Variants in WDFY4 observed in about 807,000 individuals in gnomAD.
The protein encoded by WDFY4 is WDFY family member 4, also known as WD repeat- and FYVE domain-containing protein 4.
Under a neutral mutation model 351.9 loss-of-function variants are expected in WDFY4, and 169 were observed. That is an observed-to-expected ratio of 0.48 (90% CI 0.42 to 0.55). The LOEUF (loss-of-function observed/expected upper bound fraction) is 0.55. Among genes scored for constraint, WDFY4 ranks in the 20% least tolerant of loss-of-function variants. The pLI, the probability that WDFY4 is intolerant of heterozygous loss-of-function variation, is 0.00. For missense variants in WDFY4, 3,803 were observed against 3,935.6 expected, an observed-to-expected ratio of 0.97 and a Z score of 0.90; for synonymous variants, 1,622 against 1,574.6, an observed-to-expected ratio of 1.03 and a Z score of -0.71.
At chr10:48,828,926 GC>G (rs200124201) in intron 37 of WDFY4, 30 bp downstream of exon 37, 5,872 of 287,882 alleles carry the variant, frequency 0.02, 687 homozygotes, top group African/African-American at 0.17. Context: ...GTGTGTGTGG[GC>G]GGGGGGGGGG....
chr10:48,828,725 C>A, intron 36 of WDFY4, 53 bp from the exon 37 acceptor site: 2 of 1,104,186 alleles, frequency 1.8e-6, no homozygotes, highest in South Asian at 1.5e-5. Flanking sequence ...ATAGAATGGT[C>A]TCAAGGAAAC....
In WDFY4 at chr10:48,774,280, G is replaced by T. The variant is rs2663063; in HGVS notation, c.2554-178G>T. 3.2e-3 allele frequency among the ~76,000 whole-genome samples: 410 copies of T among 126,484 alleles called. 2 individuals are homozygous for T. The highest frequency in any genetic ancestry group is 5.1e-3 in the South Asian group (22 of 4,336). The allele number at this position is 126,484 out of a possible 152,430, so 83.0% of individuals were successfully genotyped here. On this transcript the variant is annotated intron_variant, in intron 13 of 61. Coordinates refer to ENST00000325239, the MANE Select transcript of WDFY4 (RefSeq NM_001394531.1). ...GCTGCCTCCCACAGACTTGCCCCCC[G>T]CCAGGTGAGGAGGGCACTGGAAGAA...
At chr10:48,878,842 C>A (rs552537335) in intron 43 of WDFY4, among the ~76,000 whole-genome samples, 1 of 152,360 alleles carries the variant, frequency 6.6e-6, no homozygotes, top group East Asian at 1.9e-4. Context: ...CAGGAGGAAA[C>A]CCTGTTGTCT....
At chr10:48,910,394 T>G in intron 47 of WDFY4, 1 of 753,522 alleles carries the variant, frequency 1.3e-6, no homozygotes, top group Non-Finnish European at 2.4e-6. Flanking sequence ...AATGGGGGTT[T>G]TGTTGTATTT....
chr10:48,895,047 G>T (rs1837003200), intron 44 of WDFY4, among the ~76,000 whole-genome samples: 1 of 152,226 alleles, frequency 6.6e-6, no homozygotes, highest in Non-Finnish European at 1.5e-5. Flanking sequence ...AGAGGAGAGG[G>T]CCTGGGAGGG....
intron 43 of WDFY4, among the ~76,000 whole-genome samples, chr10:48,883,573 G>A (rs1378309739): frequency 6.6e-6 from 1 of 152,208 alleles, no homozygotes; most frequent in African/African-American, 2.4e-5. Context: ...CACGATAGGG[G>A]CATGGCAGGA....
chr10:48,881,680 T>C (rs1195249532), intron 43 of WDFY4, among the ~76,000 whole-genome samples: 1 of 152,142 alleles, frequency 6.6e-6, no homozygotes, highest in Non-Finnish European at 1.5e-5. Context: ...AGGAGCACCC[T>C]TCTGCTCTAG....
chr10:48,822,326 C>A, intron 34 of WDFY4, 54 bp from the exon 35 acceptor site: 1 of 1,469,670 alleles, frequency 6.8e-7, no homozygotes, highest in South Asian at 1.4e-5. Context: ...TGGAGATTGT[C>A]ATGGACAGAA....
intron 20 of WDFY4, among the ~76,000 whole-genome samples, chr10:48,787,439 A>T (rs1008426444): frequency 3.3e-5 from 5 of 152,318 alleles, no homozygotes; most frequent in Admixed American, 6.5e-5. Flanking sequence ...GGCAAATGGC[A>T]CTGGCCAGAG....
At position 48,830,372 on chromosome 10, in the gene WDFY4, C is replaced by T. The variant is rs778718933; in HGVS notation, c.6341-328C>T. On this transcript the variant is annotated intron_variant, in intron 37 of 61. Transcript: ENST00000325239. Reference sequence around the variant, plus strand: ...ATCACACAAGGTGTCCCTCTGGTATCCAACAGAATTATGGGGTGGAGAGTT... The same window carrying T: ...ATCACACAAGGTGTCCCTCTGGTATTCAACAGAATTATGGGGTGGAGAGTT... Among the ~76,000 whole-genome samples, 12 of 152,092 alleles carry T rather than the reference C, an allele frequency of 7.9e-5. No individual in the cohort carries two copies. The South Asian group carries it at 1.0e-3, about 13-fold the overall frequency.
At chr10:48,925,325 A>T (rs952829331) in intron 47 of WDFY4, among the ~76,000 whole-genome samples, 5 of 151,926 alleles carry the variant, frequency 3.3e-5, no homozygotes, top group Non-Finnish European at 7.4e-5. Context: ...GATGAAGTCC[A>T]TGGGAGGTGG....
intron 58 of WDFY4, 175 bp from the exon 59 acceptor site, chr10:48,976,622 G>C (rs1034484857): frequency 3.8e-5 from 17 of 451,288 alleles, no homozygotes; most frequent in Non-Finnish European, 5.9e-5. Context: ...ATTTACAACT[G>C]TGTGAAAACA....
At chr10:48,714,776 T>A (rs1346109750) in intron 2 of WDFY4, among the ~76,000 whole-genome samples, 1 of 152,192 alleles carries the variant, frequency 6.6e-6, no homozygotes, top group Non-Finnish European at 1.5e-5. Flanking sequence ...TAATGCAAAA[T>A]CTATCAGTGT....
chr10:48,961,831 A>ATT (rs201863298), intron 53 of WDFY4, among the ~76,000 whole-genome samples: 2 of 150,166 alleles, frequency 1.3e-5, no homozygotes, highest in Non-Finnish European at 3.0e-5. Flanking sequence ...ATCTTTTGTG[A>ATT]TTTTTTTTTT....
At position 48,790,711 on chromosome 10, in the gene WDFY4, A is replaced by G. The variant is rs1225537625; in HGVS notation, c.4067-16A>G. The G allele has an allele frequency of 6.5e-7, 1 of 1,548,844 alleles. No homozygotes were observed. The highest frequency in any genetic ancestry group is 1.2e-5 in the South Asian group (1 of 83,912). The stretch of plus-strand genomic sequence containing the variant: ...GCTGTGACATGTTGATGAAATGCCC[A>G]CTTTATGCCACACAGGGGTGAGGGT... On this transcript the variant is annotated splice_polypyrimidine_tract_variant and intron_variant, in intron 22 of 61. Coordinates refer to ENST00000325239, the MANE Select transcript of WDFY4 (RefSeq NM_001394531.1).
chr10:48,946,199 C>T (rs1375406462), intron 50 of WDFY4, 42 bp downstream of exon 50: 30 of 1,411,432 alleles, frequency 2.1e-5, no homozygotes, highest in African/African-American at 7.2e-5. Context: ...TGTTATTCAT[C>T]GGGATGCCCT....
At chr10:48,909,750 C>A in intron 47 of WDFY4, 1 of 156,432 alleles carries the variant, frequency 6.4e-6, no homozygotes, top group Non-Finnish European at 1.4e-5. Flanking sequence ...GAGGGACCCA[C>A]CCCCATGACC....
intron 38 of WDFY4, among the ~76,000 whole-genome samples, chr10:48,831,803 G>C (rs1262214605): frequency 2.0e-5 from 3 of 152,186 alleles, no homozygotes; most frequent in Non-Finnish European, 2.9e-5. Context: ...TATATCCTCT[G>C]TAAGGGAGAA....
rs1418978312 is a variant in WDFY4 at position 48,787,878 on chromosome 10, C to T, written c.3809-652C>T. ...TCTTCTTTCTTCTTCTTTCTTCTTTCTTTCTTCTTCTTCTCCTTCTTCTTC... is the reference window on the plus strand; with the variant it reads ...TCTTCTTTCTTCTTCTTTCTTCTTTTTTTCTTCTTCTTCTCCTTCTTCTTC... On this transcript the variant is annotated intron_variant, in intron 20 of 61. Transcript: ENST00000325239. Among the ~76,000 whole-genome samples, 3 of 90,780 alleles carry T rather than the reference C, an allele frequency of 3.3e-5. 1 individual carries two copies. Among genetic ancestry groups the T allele is most frequent in the African/African-American group, 2.0e-4 (3 of 15,186 alleles). The allele number at this position is 90,780 out of a possible 152,430, so 59.6% of individuals were successfully genotyped here. A position where few individuals can be genotyped will look rare whatever the true frequency, so the allele number is the denominator to read the frequency against.
Sources: allele counts gnomAD v4.1 joint callset (sites outside exome capture counted in the v4.1 genomes callset), GRCh38; gene constraint gnomAD v4.1.1; transcripts MANE v1.5; gene names NCBI Gene and HGNC (gene_info 2026-07-23, HGNC 2026-07-21).